Variants in DNAH11 observed in about 807,000 individuals in gnomAD.
DNAH11 encodes the protein dynein axonemal heavy chain 11, also known as axonemal beta dynein heavy chain 11.
In DNAH11, 442 loss-of-function variants were observed where a neutral mutation model predicts 526.0. That is an observed-to-expected ratio of 0.84 (90% CI 0.78 to 0.91). The LOEUF (loss-of-function observed/expected upper bound fraction) is 0.91. Among genes scored for constraint, DNAH11 ranks in the 40% least tolerant of loss-of-function variants. DNAH11 has a pLI of 0.00. For missense variants in DNAH11, 6,989 were observed against 5,448.7 expected, an observed-to-expected ratio of 1.28 and a Z score of -8.90; for synonymous variants, 2,461 against 1,935.9, an observed-to-expected ratio of 1.27 and a Z score of -7.12.
chr7:21,722,077 G>T (rs1428474143), intron 44 of DNAH11, among the ~76,000 whole-genome samples: 1 of 152,172 alleles, frequency 6.6e-6, no homozygotes, highest in Admixed American at 6.5e-5. Flanking sequence ...ACTTACCAAA[G>T]TGCAAAGTGG....
At chr7:21,843,583 C>T (rs1188646483) in intron 66 of DNAH11, among the ~76,000 whole-genome samples, 1 of 151,010 alleles carries the variant, frequency 6.6e-6, no homozygotes, top group African/African-American at 2.4e-5. Context: ...TGGGTTCAAG[C>T]GATTCTTCTG....
chr7:21,599,829 T>C lies in DNAH11; in HGVS notation c.2710T>C (p.Trp904Arg). 6.3e-7 allele frequency: 1 copy of C among 1,592,918 alleles called. No homozygotes were observed. Among genetic ancestry groups the C allele is most frequent in the Non-Finnish European group, 8.6e-7 (1 of 1,166,440 alleles). Residue 904 changes from tryptophan to arginine, a missense_variant, in exon 15 of 82, where the codon TGG becomes CGG. Coordinates refer to ENST00000409508, the MANE Select transcript of DNAH11 (RefSeq NM_001277115.2). ...CAAAGCCAATCCCTCTCTGGATACC[T>C]GGAAAATTTATGTAGAATTCATTGA... ...LFKANPSLDT[W>R]KIYVEFIDDI...
rs1303866682 is a variant in DNAH11, at chr7:21,591,042, A to G, written c.2274+20A>G. On this transcript the variant is annotated intron_variant, in intron 13 of 81. Coordinates refer to ENST00000409508, the MANE Select transcript of DNAH11 (RefSeq NM_001277115.2). The stretch of plus-strand genomic sequence containing the variant: ...TTAAAGGTTTGTGATTTTTGTTAAA[A>G]AAAAGATACTAGGGCCTATTATGAA... The G allele has an allele frequency of 1.4e-6, 2 of 1,451,282 alleles. No homozygotes were observed. The highest frequency in any genetic ancestry group is 1.8e-6 in the Non-Finnish European group (2 of 1,098,842). 89.9% of individuals were successfully genotyped at this position (1,451,282 alleles called of 1,614,324 possible). A position where few individuals can be genotyped will look rare whatever the true frequency, so the allele number is the denominator to read the frequency against.
At position 21,606,840 on chromosome 7, in the gene DNAH11, G is replaced by C. The variant is rs1473443106; in HGVS notation, c.3852+107G>C. 3 of 1,010,096 alleles carry C rather than the reference G, an allele frequency of 3.0e-6. No individual in the cohort carries two copies. In the African/African-American group the frequency reaches 4.9e-5, roughly 16 times the overall value. 62.6% of individuals were successfully genotyped at this position (1,010,096 alleles called of 1,614,324 possible). A position where few individuals can be genotyped will look rare whatever the true frequency, so the allele number is the denominator to read the frequency against. On this transcript the variant is annotated intron_variant, in intron 20 of 81. Coordinates refer to ENST00000409508, the MANE Select transcript of DNAH11 (RefSeq NM_001277115.2). ...TTTTGTCTTTGTTTTGCTGTTATAGGAATTGATTTATTTAAAACCCAGTTA... is the reference window on the plus strand; with the variant it reads ...TTTTGTCTTTGTTTTGCTGTTATAGCAATTGATTTATTTAAAACCCAGTTA...
At chr7:21,776,248 G>A (rs565611332) in intron 56 of DNAH11, among the ~76,000 whole-genome samples, 25 of 152,314 alleles carry the variant, frequency 1.6e-4, no homozygotes, top group African/African-American at 5.5e-4. Context: ...TGACCATGAA[G>A]TCTGATGGAA....
chr7:21,846,869 T>G (rs1345409337), intron 66 of DNAH11, among the ~76,000 whole-genome samples: 2 of 152,172 alleles, frequency 1.3e-5, no homozygotes, highest in Non-Finnish European at 2.9e-5. Flanking sequence ...AATTATTGAG[T>G]TAATTTATTT....
At chr7:21,860,586 A>G (rs1262388201) in intron 68 of DNAH11, among the ~76,000 whole-genome samples, 1 of 152,224 alleles carries the variant, frequency 6.6e-6, no homozygotes, top group Non-Finnish European at 1.5e-5. Flanking sequence ...AATGTTGTAT[A>G]TCCGTGCAGT....
chr7:21,646,632 A>G lies in DNAH11; in HGVS notation c.4944+7567A>G, dbSNP rs552161328. Reference sequence around the variant, plus strand: ...ACTACCCAGGCCTGGGGAAAGAACTATCAGGTGCCCAGTGAGCTCCAGCAG... The same window carrying G: ...ACTACCCAGGCCTGGGGAAAGAACTGTCAGGTGCCCAGTGAGCTCCAGCAG... On this transcript the variant is annotated intron_variant, in intron 28 of 81. Coordinates refer to ENST00000409508, the MANE Select transcript of DNAH11 (RefSeq NM_001277115.2). Among the ~76,000 whole-genome samples, 3 of 152,308 alleles carry G rather than the reference A, an allele frequency of 2.0e-5. No homozygotes were observed. The South Asian group carries it at 6.2e-4, about 32-fold the overall frequency.
At chr7:21,682,606 T>C (rs1783191286) in intron 31 of DNAH11, among the ~76,000 whole-genome samples, 1 of 151,940 alleles carries the variant, frequency 6.6e-6, no homozygotes, top group Admixed American at 6.6e-5. Context: ...AATTTTCTCA[T>C]CCTTCTTTCC....
rs183760713 is a variant in DNAH11 at position 21,555,672 on chromosome 7, T to A, written c.496-3130T>A. On this transcript the variant is annotated intron_variant, in intron 2 of 81. Coordinates refer to ENST00000409508, the MANE Select transcript of DNAH11 (RefSeq NM_001277115.2). Reference sequence around the variant, plus strand: ...TACCTATAGTCCAATTTTCCTCCCTTGGCTTGTGCATGACGTTGCCTGGTT... The same window carrying A: ...TACCTATAGTCCAATTTTCCTCCCTAGGCTTGTGCATGACGTTGCCTGGTT... Among the ~76,000 whole-genome samples, 339 of 152,336 alleles carry A rather than the reference T, an allele frequency of 2.2e-3. 1 individual carries two copies. The Middle Eastern group carries it at 0.054, about 24-fold the overall frequency.
At chr7:21,545,951 C>T (rs147203786) in intron 2 of DNAH11, among the ~76,000 whole-genome samples, 2 of 152,272 alleles carry the variant, frequency 1.3e-5, no homozygotes, top group African/African-American at 4.8e-5. Context: ...ACACCCATAC[C>T]AGTTAATTTA....
At chr7:21,808,166 T>C in intron 63 of DNAH11, 117 bp downstream of exon 63, 1 of 735,488 alleles carries the variant, frequency 1.4e-6, no homozygotes, top group Non-Finnish European at 1.9e-6. Flanking sequence ...TGACCAGAAA[T>C]TCCATGGTGA....
At chr7:21,604,476 G>A (rs896078351) in intron 18 of DNAH11, among the ~76,000 whole-genome samples, 6 of 151,966 alleles carry the variant, frequency 3.9e-5, no homozygotes, top group Admixed American at 6.6e-5. Context: ...CTAACTTCCC[G>A]AATGCTGTCC....
In DNAH11 at chr7:21,717,835, T is replaced by A; in HGVS notation, c.7044T>A (p.Ile2348=). 1 of 1,613,932 alleles carries A rather than the reference T, an allele frequency of 6.2e-7. No homozygotes were observed. The highest frequency in any genetic ancestry group is 8.5e-7 in the Non-Finnish European group (1 of 1,179,846). ...AATCAGAAAAGGCCAATTTGACTAT[T>A]CTTTTTGATAAATATGTCCCTGCAT... ...RHQSEKANLT[I]LFDKYVPACL... Residue 2348 remains isoleucine (I), a synonymous_variant, in exon 43 of 82, where the codon ATT becomes ATA. Transcript: ENST00000409508.
chr7:21,743,386 G>A (rs1786002554), intron 49 of DNAH11, among the ~76,000 whole-genome samples: 1 of 152,182 alleles, frequency 6.6e-6, no homozygotes, highest in African/African-American at 2.4e-5. Flanking sequence ...CAGTGTTTAT[G>A]TATTTGACTT....
chr7:21,749,643 T>G, intron 52 of DNAH11, 35 bp from the exon 53 acceptor site: 1 of 1,612,036 alleles, frequency 6.2e-7, no homozygotes, highest in Non-Finnish European at 8.5e-7. Flanking sequence ...GCATCAGCAT[T>G]TTAACAAAAC....
At chr7:21,679,164 C>T (rs1783037193) in intron 30 of DNAH11, among the ~76,000 whole-genome samples, 1 of 151,944 alleles carries the variant, frequency 6.6e-6, no homozygotes, top group South Asian at 2.1e-4. Context: ...ACTGCATAAT[C>T]TCACTTATAA....
At chr7:21,634,207 C>T (rs1398038402) in intron 25 of DNAH11, among the ~76,000 whole-genome samples, 1 of 152,100 alleles carries the variant, frequency 6.6e-6, no homozygotes, top group African/African-American at 2.4e-5. Context: ...AACACCAGAC[C>T]ACAGCTCAAC....
intron 65 of DNAH11, among the ~76,000 whole-genome samples, chr7:21,820,145 G>A (rs1426462365): frequency 6.6e-6 from 1 of 152,168 alleles, no homozygotes; most frequent in Non-Finnish European, 1.5e-5. Flanking sequence ...GACTATGAGT[G>A]CCAGTGGAGT....
Sources: gnomAD v4.1 joint callset for allele counts (sites outside exome capture counted in the v4.1 genomes callset) on GRCh38, gnomAD v4.1.1 for gene constraint, MANE v1.5 for transcripts, NCBI Gene and HGNC (gene_info 2026-07-23, HGNC 2026-07-21) for gene names.